ATP13A3: variants seen among roughly 807,000 people sequenced by gnomAD.
The protein encoded by ATP13A3 is polyamine-transporting ATPase 13A3.
Under a neutral mutation model 158.1 loss-of-function variants are expected in ATP13A3, and 59 were observed. The ratio of observed to expected loss-of-function variants is 0.37; its 90% confidence interval spans 0.30 to 0.46. The LOEUF is 0.46. Among genes scored for constraint, ATP13A3 ranks in the 20% least tolerant of loss-of-function variants. The probability of loss-of-function intolerance (pLI) is 1.00; values close to 1 mark genes in which losing one functional copy is unlikely to be tolerated. For synonymous variants in ATP13A3, 491 were observed against 504.3 expected, an observed-to-expected ratio of 0.97 and a Z score of 0.35; for missense variants, 1,166 against 1,525.2, an observed-to-expected ratio of 0.76 and a Z score of 3.92.
At chr3:194,463,605 G>C (rs1227791012) in intron 2 of ATP13A3, among the ~76,000 whole-genome samples, 1 of 152,162 alleles carries the variant, frequency 6.6e-6, no homozygotes, top group African/African-American at 2.4e-5. Flanking sequence ...CTCACAGTAG[G>C]ACTATTACTG....
upstream of ATP13A3, chr3:194,487,871 G>C (rs1225195390): frequency 6.6e-6 from 1 of 152,380 alleles, no homozygotes; most frequent in Non-Finnish European, 1.5e-5. Flanking sequence ...CCGCCTTAGC[G>C]TCTTAGAGAA....
Position 194,494,266 on chromosome 3 carries a change from TAGTC to T in ATP13A3, n.526_529del, listed in dbSNP as rs1721180080. ...CTCAGCCCCTCACAGCACACAGCGG[TAGTC>T]AGAAAGTATGCTGAGTAAGTGGAGA... On this transcript the variant is annotated non_coding_transcript_exon_variant, in exon 2 of 33. Transcript: ENST00000687055. This position sits in a 1 kb window ranked among gnomAD's most constrained non-coding sequence, Gnocchi z 4.2. 1 of 398,514 alleles carries T rather than the reference TAGTC, an allele frequency of 2.5e-6. No individual in the cohort carries two copies. The highest frequency in any genetic ancestry group is 4.4e-6 in the Non-Finnish European group (1 of 226,098). 24.7% of individuals were successfully genotyped at this position (398,514 alleles called of 1,614,324 possible).
At chr3:194,467,440 TTA>T (rs1228626389) in intron 2 of ATP13A3, among the ~76,000 whole-genome samples, 1 of 152,230 alleles carries the variant, frequency 6.6e-6, no homozygotes, top group Non-Finnish European at 1.5e-5. Flanking sequence ...ATTACTCTTT[TTA>T]TGAGTGTAAT....
At chr3:194,464,489 G>A (rs533402705) in intron 2 of ATP13A3, among the ~76,000 whole-genome samples, 48 of 152,270 alleles carry the variant, frequency 3.2e-4, no homozygotes, top group Middle Eastern at 3.4e-3. Flanking sequence ...GCACTTTTGG[G>A]TGGCAGTTAT....
intron 3 of ATP13A3, among the ~76,000 whole-genome samples, chr3:194,461,294 A>G (rs1577080528): frequency 1.3e-5 from 2 of 152,088 alleles, no homozygotes; most frequent in East Asian, 1.9e-4. Flanking sequence ...AGTTTCCCCT[A>G]ATGTTTTAAC....
chr3:194,493,945 C>CTTATTTCTGCTTACAAATTGAGGAAGA, intron 2 of ATP13A3: 1 of 383,958 alleles, frequency 2.6e-6, no homozygotes, highest in Non-Finnish European at 4.6e-6. Context: ...TTGAGGAAAG[C>CTTATTTCTGCTTACAAATTGAGGAAGA]TTATTTCTGC....
intron 19 of ATP13A3, 24 bp downstream of exon 19, chr3:194,437,287 C>T (rs763574783): frequency 6.5e-5 from 105 of 1,614,094 alleles, no homozygotes; most frequent in African/African-American, 4.1e-4. Context: ...CAGAATTGTA[C>T]CCAAAGCATA....
intron 9 of ATP13A3, among the ~76,000 whole-genome samples, 192 bp from the exon 10 acceptor site, chr3:194,453,970 C>T (rs1285476471): frequency 6.6e-6 from 1 of 152,034 alleles, no homozygotes; most frequent in East Asian, 1.9e-4. Context: ...ACAGGATAGC[C>T]CTGAAAACAG....
intron 2 of ATP13A3, among the ~76,000 whole-genome samples, chr3:194,478,636 A>G (rs562344153): frequency 1.6e-3 from 245 of 152,330 alleles, no homozygotes; most frequent in Non-Finnish European, 1.8e-3. Context: ...GGATCAGATT[A>G]TAAGGAAGGG....
intron 31 of ATP13A3, among the ~76,000 whole-genome samples, chr3:194,415,661 C>CTGTTTTTTTTTTTTTG (rs1208643552): frequency 2.2e-5 from 2 of 90,928 alleles, no homozygotes; most frequent in African/African-American, 9.5e-5. Flanking sequence ...ATACCACATT[C>CTGTTTTTTTTTTTTTG]TTTTTTTTTT....
chr3:194,471,647 C>A (rs1220622046), intron 2 of ATP13A3, among the ~76,000 whole-genome samples: 1 of 152,222 alleles, frequency 6.6e-6, no homozygotes, highest in Non-Finnish European at 1.5e-5. Flanking sequence ...AGCTACCACG[C>A]CCAGCCCTAA....
Position 194,429,794 on chromosome 3 carries a change from G to A in ATP13A3, c.2778-20C>T, listed in dbSNP as rs1164068267. ...CCTTCCCTGTGAAAAGAAATCAAAT[G>A]TCGGCATATGAATAGAAGCATTTTA... On this transcript the variant is annotated intron_variant, in intron 26 of 33. Coordinates refer to ENST00000645319, the MANE Select transcript of ATP13A3 (RefSeq NM_001367549.1). 6.3e-7 allele frequency: 1 copy of A among 1,597,116 alleles called. No homozygotes were observed. Among genetic ancestry groups the A allele is most frequent in the East Asian group, 2.2e-5 (1 of 44,742 alleles).
intron 31 of ATP13A3, among the ~76,000 whole-genome samples, chr3:194,415,661 C>CTTTTTTTTTTTTTTTTT (rs751005733): frequency 5.5e-5 from 5 of 90,926 alleles, no homozygotes; most frequent in South Asian, 8.1e-4. Flanking sequence ...ATACCACATT[C>CTTTTTTTTTTTTTTTTT]TTTTTTTTTT....
At chr3:194,442,307 T>C (rs565040879) in intron 15 of ATP13A3, among the ~76,000 whole-genome samples, 1 of 152,288 alleles carries the variant, frequency 6.6e-6, no homozygotes, top group Admixed American at 6.5e-5. Context: ...ATTAGAATCC[T>C]ATAAATTTGG....
intron 2 of ATP13A3, chr3:194,467,865 T>G (rs1720086551): frequency 1.3e-5 from 2 of 152,144 alleles, no homozygotes. Context: ...AATACCAAAT[T>G]GATAAACCCA....
At chr3:194,462,818 T>C (rs968948447) in intron 2 of ATP13A3, among the ~76,000 whole-genome samples, 19 of 152,242 alleles carry the variant, frequency 1.2e-4, no homozygotes, top group Admixed American at 5.2e-4. Context: ...AGTGCTTGAA[T>C]CTGTATTACT....
upstream of ATP13A3, chr3:194,488,390 A>T (rs776770151): frequency 6.6e-6 from 1 of 152,212 alleles, no homozygotes; most frequent in Non-Finnish European, 1.5e-5. The surrounding 1 kb of genome is among the most constrained non-coding windows in gnomAD (Gnocchi z 4.1). Context: ...AGTCCTAAAA[A>T]CAAAATTATC....
At chr3:194,432,740 T>C (rs901762245) in intron 21 of ATP13A3, among the ~76,000 whole-genome samples, 1 of 152,024 alleles carries the variant, frequency 6.6e-6, no homozygotes, top group Non-Finnish European at 1.5e-5. Flanking sequence ...AACACAAAAA[T>C]GTATACAGAC....
chr3:194,467,945 C>G (rs957318332), intron 2 of ATP13A3: 4 of 152,086 alleles, frequency 2.6e-5, no homozygotes, highest in East Asian at 3.8e-4. Flanking sequence ...AATTCGATAT[C>G]AGAGAAAACA....
Sources: allele counts gnomAD v4.1 joint callset (sites outside exome capture counted in the v4.1 genomes callset), GRCh38; gene constraint gnomAD v4.1.1; non-coding constraint Gnocchi (gnomAD v3.1); transcripts MANE v1.5; gene names NCBI Gene and HGNC (gene_info 2026-07-23, HGNC 2026-07-21).